KIF18B: variants seen among roughly 807,000 people sequenced by gnomAD.
KIF18B encodes the protein kinesin family member 18B.
KIF18B carries 49 observed loss-of-function variants against 80.9 expected under a neutral mutation model. The observed-to-expected ratio is 0.61, with a 90% CI of 0.48 to 0.77. The LOEUF (loss-of-function observed/expected upper bound fraction) is 0.77. KIF18B is among the 30% of genes least tolerant of loss of function. KIF18B has a pLI of 0.00. For missense variants in KIF18B, 994 were observed against 1,127.7 expected (o/e 0.88, Z 1.70); for synonymous variants, 439 against 463.9 (o/e 0.95, Z 0.69).
Position 44,936,359 on chromosome 17 carries a change from C to T in KIF18B, c.-14-1G>A, listed in dbSNP as rs1373298088. 1.3e-5 allele frequency: 21 copies of T among 1,591,220 alleles called. No homozygotes were observed. Among genetic ancestry groups the T allele is most frequent in the Non-Finnish European group, 1.7e-5 (20 of 1,170,510 alleles). Reference sequence around the variant, plus strand: ...TCCACTGCCATCACTGTGGTGACACCTGGGTGAGACATGGTGGAGCTGAGG... The same window carrying T: ...TCCACTGCCATCACTGTGGTGACACTTGGGTGAGACATGGTGGAGCTGAGG... On this transcript the variant is annotated splice_acceptor_variant, in intron 1 of 15. Coordinates refer to ENST00000593135, the MANE Select transcript of KIF18B (RefSeq NM_001265577.2). LOFTEE classifies it low-confidence loss of function (5UTR_SPLICE).
At position 44,938,204 on chromosome 17, in the gene KIF18B, C is replaced by T. The variant is rs191935552; in HGVS notation, c.-14-1846G>A. Among the ~76,000 whole-genome samples, 56 of 152,254 alleles carry T rather than the reference C, an allele frequency of 3.7e-4. 1 individual carries two copies. Among genetic ancestry groups the T allele is most frequent in the African/African-American group, 8.2e-4 (34 of 41,526 alleles). On this transcript the variant is annotated intron_variant, in intron 1 of 15. Coordinates refer to ENST00000593135, the MANE Select transcript of KIF18B (RefSeq NM_001265577.2). ...CTAATTTTTGTGTTTTTAGTAGAGA[C>T]GGGGTTTTGCCATGTTGGCCAGGCT...
At chr17:44,935,075 G>T in intron 3 of KIF18B, 140 bp from the exon 4 acceptor site, 1 of 871,722 alleles carries the variant, frequency 1.1e-6, no homozygotes, top group Non-Finnish European at 1.7e-6. Context: ...TGTGTTACAT[G>T]ACCACAGCAG....
At chr17:44,935,730 C>T (rs1227670096) in intron 2 of KIF18B, among the ~76,000 whole-genome samples, 1 of 152,148 alleles carries the variant, frequency 6.6e-6, no homozygotes. Context: ...TGGTTTATCC[C>T]CACACACTGT....
chr17:44,939,181 G>A (rs775947751), intron 1 of KIF18B, among the ~76,000 whole-genome samples: 4 of 151,702 alleles, frequency 2.6e-5, no homozygotes, highest in Admixed American at 6.6e-5. Flanking sequence ...GACCAGCCTG[G>A]CCAACATGGT....
intron 1 of KIF18B, among the ~76,000 whole-genome samples, chr17:44,946,846 C>T (rs1023337411): frequency 1.3e-5 from 2 of 152,068 alleles, no homozygotes; most frequent in African/African-American, 2.4e-5. Flanking sequence ...TTTGGCCAGG[C>T]GCAGTGGCTC....
Position 44,928,090 on chromosome 17 carries a change from C to T in KIF18B, c.2212G>A (p.Glu738Lys), listed in dbSNP as rs1263111476. Reference protein sequence around the residue: ...EEPPSKPSFHECIGWDKIPQE... With the variant: ...EEPPSKPSFHKCIGWDKIPQE... ...GGTATTTTGTCCCAGCCAATGCATT[C>T]ATGGAAACTGGGCTTTGAGGGAGGC... is the stretch of plus-strand genomic sequence containing the variant. The change falls in exon 13 of 16, where the codon GAA becomes AAA. Residue 738 changes from glutamate (E) to lysine (K), a missense_variant. Glu to Lys is a moderately conservative substitution (Grantham distance 56). Transcript: ENST00000593135. The T allele has an allele frequency of 3.8e-6, 6 of 1,561,382 alleles. No homozygotes were observed. In the African/African-American group the frequency reaches 8.2e-5, roughly 21 times the overall value.
chr17:44,941,394 A>G lies in KIF18B; in HGVS notation c.-14-5036T>C, dbSNP rs1225093284. ...CGCTCTGTCGCCCAGACTAGAGTGC[A>G]GTGGCACGATCTTGGCTCACTGCAA... On this transcript the variant is annotated intron_variant, in intron 1 of 15. Transcript: ENST00000593135. 4.1e-5 allele frequency among the ~76,000 whole-genome samples: 6 copies of G among 146,250 alleles called. No individual in the cohort carries two copies. In the Admixed American group the frequency reaches 4.2e-4, roughly 10 times the overall value.
intron 10 of KIF18B, 103 bp downstream of exon 10, chr17:44,931,953 A>G: frequency 7.6e-7 from 1 of 1,316,474 alleles, no homozygotes; most frequent in South Asian, 1.5e-5. Context: ...ATCCACATAG[A>G]GACGGGACTA....
In KIF18B at chr17:44,934,975, C is replaced by A. The variant is rs2052249788; in HGVS notation, c.472-40G>T. On this transcript the variant is annotated intron_variant, in intron 3 of 15. Transcript: ENST00000593135. The surrounding 1 kb of genome is among the most constrained non-coding windows in gnomAD (Gnocchi z 5.4). ...AAGGAAGAGGCCTGAGGGAGAGCGG[C>A]CCATCAGGAAACCTCTCCCTAGCGG... 1.4e-6 allele frequency: 2 copies of A among 1,393,046 alleles called. No individual in the cohort carries two copies. The highest frequency in any genetic ancestry group is 2.0e-6 in the Non-Finnish European group (2 of 1,016,876). The allele number at this position is 1,393,046 out of a possible 1,614,324, so 86.3% of individuals were successfully genotyped here. A position where few individuals can be genotyped will look rare whatever the true frequency, so the allele number is the denominator to read the frequency against.
intron 1 of KIF18B, among the ~76,000 whole-genome samples, chr17:44,941,266 A>G (rs1273701711): frequency 1.3e-5 from 2 of 152,104 alleles, no homozygotes; most frequent in Non-Finnish European, 1.5e-5. Context: ...TATAATAATT[A>G]TAATTCCTTT....
chr17:44,940,390 C>T (rs1291025654), intron 1 of KIF18B, among the ~76,000 whole-genome samples: 5 of 152,174 alleles, frequency 3.3e-5, no homozygotes, highest in Admixed American at 2.6e-4. Flanking sequence ...CATATTTCTC[C>T]TTTAATCTAT....
intron 10 of KIF18B, 45 bp downstream of exon 10, chr17:44,932,011 C>T (rs762832621): frequency 1.3e-6 from 2 of 1,570,506 alleles, no homozygotes; most frequent in East Asian, 2.3e-5. Flanking sequence ...ATCCCACCAG[C>T]TCCAAGCCCT....
At chr17:44,936,432 GT>G in intron 1 of KIF18B, 74 bp from the exon 2 acceptor site, 1 of 1,324,056 alleles carries the variant, frequency 7.6e-7, no homozygotes, top group Non-Finnish European at 1.0e-6. Flanking sequence ...GTACTCCAAG[GT>G]CCCCTCCACC....
Position 44,927,987 on chromosome 17 carries a change from C to G in KIF18B, c.2276+39G>C. ...CAAGAAGTCCCTTGCTGACCACTGA[C>G]CACTGACAGGAGGGGTGGAGCGAGA... On this transcript the variant is annotated intron_variant, in intron 13 of 15. Coordinates refer to ENST00000593135, the MANE Select transcript of KIF18B (RefSeq NM_001265577.2). The surrounding 1 kb of genome is among the most constrained non-coding windows in gnomAD (Gnocchi z 4.1). 1 of 1,485,952 alleles carries G rather than the reference C, an allele frequency of 6.7e-7. No individual in the cohort carries two copies. The highest frequency in any genetic ancestry group is 2.3e-5 in the East Asian group (1 of 43,308). The allele number at this position is 1,485,952 out of a possible 1,614,324, so 92.0% of individuals were successfully genotyped here.
chr17:44,939,081 T>G (rs1452141535), intron 1 of KIF18B, among the ~76,000 whole-genome samples: 2 of 144,566 alleles, frequency 1.4e-5, no homozygotes, highest in Non-Finnish European at 3.0e-5. Context: ...AAAAGGAACA[T>G]GAATTTGTGC....
At position 44,928,222 on chromosome 17, in the gene KIF18B, CT is replaced by C. The variant is rs757115320; in HGVS notation, c.2079del (p.Val694SerfsTer56). The C allele has an allele frequency of 6.2e-6, 10 of 1,613,264 alleles. No homozygotes were observed. Among genetic ancestry groups the C allele is most frequent in the Non-Finnish European group, 8.5e-6 (10 of 1,179,542 alleles). ...PCHSPRVCPA[T>X]VIKSRVPLGP... ...CCCAGGGGCACCCGGCTTTTGATGA[CT>C]GTGGCTGGGCAAACGCGAGGGGAAT... On this transcript the variant is annotated frameshift_variant, in exon 13 of 16. Coordinates refer to ENST00000593135, the MANE Select transcript of KIF18B (RefSeq NM_001265577.2). LOFTEE classifies it high-confidence loss of function.
At position 44,932,894 on chromosome 17, in the gene KIF18B, C is replaced by T; in HGVS notation, c.1137+18G>A. ...TGGCTGTCGGCCCTCCAGCCTGCCC[C>T]CAAGGCGGGCTCCTCACCTCAGCCT... On this transcript the variant is annotated intron_variant, in intron 8 of 15. Transcript: ENST00000593135. 6.3e-7 allele frequency: 1 copy of T among 1,597,612 alleles called. No homozygotes were observed.
At chr17:44,943,482 T>A (rs1308694289) in intron 1 of KIF18B, among the ~76,000 whole-genome samples, 2 of 152,180 alleles carry the variant, frequency 1.3e-5, no homozygotes, top group Non-Finnish European at 2.9e-5. Context: ...ATTTTATTTT[T>A]ATTTATTTTT....
In KIF18B at chr17:44,934,021, T is replaced by C; in HGVS notation, c.964A>G (p.Thr322Ala). 6.2e-7 allele frequency: 1 copy of C among 1,611,576 alleles called. No homozygotes were observed. The highest frequency in any genetic ancestry group is 1.1e-5 in the South Asian group (1 of 90,408). The change falls in exon 7 of 16, where the codon ACA (threonine) becomes GCA (alanine). Residue 322 changes from threonine to alanine, a missense_variant. By Grantham distance (58) the Thr-to-Ala change is moderately conservative. Transcript: ENST00000593135. The surrounding 1 kb of genome is among the most constrained non-coding windows in gnomAD (Gnocchi z 5.4). ...LKDSLGGNCR[T>A]VMIAAISPSS... ...GGGCTGATGGCAGCGATCATCACTGTGCGGCAGTTGCCCCCGAGGGAGTCT... is the reference window on the plus strand; with the variant it reads ...GGGCTGATGGCAGCGATCATCACTGCGCGGCAGTTGCCCCCGAGGGAGTCT...
Sources: allele counts gnomAD v4.1 joint callset (sites outside exome capture counted in the v4.1 genomes callset), GRCh38; gene constraint gnomAD v4.1.1; non-coding constraint Gnocchi (gnomAD v3.1); transcripts MANE v1.5; gene names NCBI Gene and HGNC (gene_info 2026-07-23, HGNC 2026-07-21).